ITGA9: variants seen among roughly 807,000 people sequenced by gnomAD.
ITGA9 encodes the protein integrin alpha-9.
A neutral mutation model predicts 127.8 loss-of-function variants in ITGA9; 56 were observed. The observed-to-expected ratio is 0.44, with a 90% confidence interval of 0.35 to 0.55. The LOEUF (loss-of-function observed/expected upper bound fraction) is 0.55, where lower values mean the gene tolerates loss of function less well. Among genes scored for constraint, ITGA9 ranks in the 20% least tolerant of loss-of-function variants. The pLI is 0.00. For missense variants in ITGA9, 1,196 were observed against 1,347.1 expected (o/e 0.89, Z 1.76); for synonymous variants, 508 against 514.5 (o/e 0.99, Z 0.17).
chr3:37,529,000 G>A (rs185552711), intron 13 of ITGA9, among the ~76,000 whole-genome samples: 1 of 130,604 alleles, frequency 7.7e-6, no homozygotes, highest in African/African-American at 2.9e-5. Flanking sequence ...ACATTGGTGG[G>A]AATATACAGT....
intron 18 of ITGA9, among the ~76,000 whole-genome samples, chr3:37,701,420 CAG>C (rs1700944182): frequency 1.3e-5 from 2 of 152,176 alleles, no homozygotes; most frequent in Admixed American, 1.3e-4. Context: ...GAGAAAAGGA[CAG>C]AGTGTCAAGC....
Position 37,716,452 on chromosome 3 carries a change from A to C in ITGA9, c.2068-16260A>C, listed in dbSNP as rs6804623. Among the ~76,000 whole-genome samples, 852 of 151,968 alleles carry C rather than the reference A, an allele frequency of 5.6e-3. 6 individuals carry two copies. The highest frequency in any genetic ancestry group is 0.024 in the Middle Eastern group (7 of 292). On this transcript the variant is annotated intron_variant, in intron 18 of 27. Transcript: ENST00000264741. ...TATCCTGTAGAGGAGAGAGACATTG[A>C]AAATGACATATACAGACACAGAAAA... is the stretch of plus-strand genomic sequence containing the variant.
rs146600199 is a variant in ITGA9 at position 37,592,690 on chromosome 3, C to T, written c.1690-36497C>T. ...GGTGGATTGAGAATATGTAGGGGGA[C>T]GAAGCCAGGAGTCCAAGGACCCCTT... On this transcript the variant is annotated intron_variant, in intron 15 of 27. Transcript: ENST00000264741. Among the ~76,000 whole-genome samples, 16 of 152,152 alleles carry T rather than the reference C, an allele frequency of 1.1e-4. No individual in the cohort carries two copies. The East Asian group carries it at 2.1e-3, about 20-fold the overall frequency.
chr3:37,690,002 G>C lies in ITGA9; in HGVS notation c.2067+5987G>C, dbSNP rs112367267. On this transcript the variant is annotated intron_variant, in intron 18 of 27. Transcript: ENST00000264741. ...CACAAGGTGCCAGCTGCTCTACAGA[G>C]GTGCTGAAACGTTGTTTGAAGCACA... Among the ~76,000 whole-genome samples the C allele has an allele frequency of 8.9e-3, 1,351 of 152,350 alleles. 25 individuals are homozygous for C. Among genetic ancestry groups the C allele is most frequent in the African/African-American group, 0.03 (1,266 of 41,574 alleles).
chr3:37,588,939 T>A (rs1699786642), intron 15 of ITGA9, among the ~76,000 whole-genome samples: 1 of 152,184 alleles, frequency 6.6e-6, no homozygotes, highest in Admixed American at 6.5e-5. Context: ...TCTGAGTGGA[T>A]GACTGTAGTT....
rs35166311 is a variant in ITGA9, at chr3:37,760,271, T to TAA, written c.2541+9714_2541+9715dup. ...GAGTGAGACTCTGTCTCAATTTAATTAAAAAAAAAAAAAGCAAAACACCTG... is the reference window on the plus strand; with the variant it reads ...GAGTGAGACTCTGTCTCAATTTAATTAAAAAAAAAAAAAAAGCAAAACACCTG... On this transcript the variant is annotated intron_variant, in intron 23 of 27. Transcript: ENST00000264741. Among the ~76,000 whole-genome samples, 181 of 141,890 alleles carry TAA rather than the reference T, an allele frequency of 1.3e-3. 2 individuals carry two copies. The highest frequency in any genetic ancestry group is 1.7e-3 in the Non-Finnish European group (113 of 65,046). 93.1% of individuals were successfully genotyped at this position (141,890 alleles called of 152,430 possible).
chr3:37,684,712 G>A (rs1481972537), intron 18 of ITGA9, among the ~76,000 whole-genome samples: 8 of 152,072 alleles, frequency 5.3e-5, no homozygotes, highest in Admixed American at 2.6e-4. Flanking sequence ...CAAGTGATCC[G>A]CCTGCCTCAG....
intron 18 of ITGA9, among the ~76,000 whole-genome samples, chr3:37,689,002 G>C (rs977989993): frequency 6.7e-6 from 1 of 149,520 alleles, no homozygotes; most frequent in African/African-American, 2.5e-5. Context: ...GGATGGGTGT[G>C]TGAGTGGATG....
intron 27 of ITGA9, among the ~76,000 whole-genome samples, chr3:37,805,043 T>A (rs1025704232): frequency 6.6e-6 from 1 of 151,276 alleles, no homozygotes; most frequent in African/African-American, 2.5e-5. Context: ...GTGAAGTACC[T>A]CTAAATTTAA....
chr3:37,770,253 G>A (rs1251866242), intron 23 of ITGA9, among the ~76,000 whole-genome samples: 3 of 152,132 alleles, frequency 2.0e-5, no homozygotes, highest in Non-Finnish European at 4.4e-5. Flanking sequence ...CATACTAATA[G>A]CACCTAATAT....
At chr3:37,456,507 C>T (rs1223657697) in intron 1 of ITGA9, among the ~76,000 whole-genome samples, 2 of 152,176 alleles carry the variant, frequency 1.3e-5, no homozygotes, top group South Asian at 2.1e-4. Context: ...GCCTCCAGAG[C>T]GGACGTCTTT....
At chr3:37,613,738 G>A (rs1009667930) in intron 15 of ITGA9, among the ~76,000 whole-genome samples, 11 of 152,322 alleles carry the variant, frequency 7.2e-5, no homozygotes, top group African/African-American at 2.4e-4. Context: ...TGTTTCATGT[G>A]TCTTTTGGCT....
Position 37,669,542 on chromosome 3 carries a change from G to A in ITGA9, c.1917-14323G>A, listed in dbSNP as rs148390214. 1.7e-3 allele frequency among the ~76,000 whole-genome samples: 253 copies of A among 152,248 alleles called. 1 individual carries two copies. The highest frequency in any genetic ancestry group is 5.9e-3 in the African/African-American group (246 of 41,534). On this transcript the variant is annotated intron_variant, in intron 17 of 27. Coordinates refer to ENST00000264741, the MANE Select transcript of ITGA9 (RefSeq NM_002207.3). Reference sequence around the variant, plus strand: ...GTAGAACCTCATGTTTTATTTATCTGCTCTTAGATCTCCTGTCCGGGCAGG... The same window carrying A: ...GTAGAACCTCATGTTTTATTTATCTACTCTTAGATCTCCTGTCCGGGCAGG...
At chr3:37,606,890 A>ACAGATGCT (rs1699973778) in intron 15 of ITGA9, among the ~76,000 whole-genome samples, 2 of 151,008 alleles carry the variant, frequency 1.3e-5, no homozygotes, top group Admixed American at 6.6e-5. Context: ...TCCCTCTGGC[A>ACAGATGCT]CAGATGCTTG....
In ITGA9 at chr3:37,823,357, A is replaced by G. The variant is rs1697535750; in HGVS notation, c.*4368A>G. On this transcript the variant is annotated 3_prime_UTR_variant, in exon 28 of 28. Transcript: ENST00000264741. ...GATGCATCCATGTACATTTCCACTG[A>G]GGAATTTTGGTGGGTGGGGGGAGGT... 1 of 152,136 alleles carries G rather than the reference A, an allele frequency of 6.6e-6. No homozygotes were observed. The highest frequency in any genetic ancestry group is 1.5e-5 in the Non-Finnish European group (1 of 68,050). The allele number at this position is 152,136 out of a possible 1,614,324, so 9.4% of individuals were successfully genotyped here.
At chr3:37,809,786 T>G (rs1334795274) in intron 27 of ITGA9, among the ~76,000 whole-genome samples, 1 of 152,234 alleles carries the variant, frequency 6.6e-6, no homozygotes, top group Non-Finnish European at 1.5e-5. Flanking sequence ...CTGATTCCCA[T>G]GTCTACAACC....
chr3:37,611,486 A>G (rs1471319875), intron 15 of ITGA9, among the ~76,000 whole-genome samples: 1 of 152,186 alleles, frequency 6.6e-6, no homozygotes, highest in Non-Finnish European at 1.5e-5. Flanking sequence ...GAAGGAGAGT[A>G]GAACAGATTA....
chr3:37,534,931 GAT>G (rs1388294033), intron 14 of ITGA9, among the ~76,000 whole-genome samples: 2 of 152,232 alleles, frequency 1.3e-5, no homozygotes, highest in Non-Finnish European at 2.9e-5. Context: ...AAAGCTTTCT[GAT>G]AGTTCTGGGA....
At chr3:37,665,773 AG>A (rs1265840363) in intron 17 of ITGA9, among the ~76,000 whole-genome samples, 1 of 152,064 alleles carries the variant, frequency 6.6e-6, no homozygotes, top group Non-Finnish European at 1.5e-5. Context: ...GCTTTCTAGG[AG>A]GGGGCAGCAG....
Sources: allele counts gnomAD v4.1 joint callset (sites outside exome capture counted in the v4.1 genomes callset), GRCh38; gene constraint gnomAD v4.1.1; transcripts MANE v1.5; gene names NCBI Gene and HGNC (gene_info 2026-07-23, HGNC 2026-07-21).